The following PPEF1 variants were observed in gnomAD, a reference collection of about 807,000 sequenced individuals.
PPEF1 encodes serine/threonine-protein phosphatase with EF-hands 1.
Under a neutral mutation model 53.3 loss-of-function variants are expected in PPEF1, and 12 were observed. That is an observed-to-expected ratio of 0.23 (90% CI 0.14 to 0.36). PPEF1 has a LOEUF of 0.36. PPEF1 is among the 10% of genes least tolerant of loss of function. PPEF1 has a pLI of 1.00. For synonymous variants in PPEF1, 165 were observed against 176.7 expected (o/e 0.93, Z 0.52); for missense variants, 334 against 490.4 (o/e 0.68, Z 3.01).
At position 18,766,089 on chromosome X, in the gene PPEF1, AAAG is replaced by A. The variant is rs368301177; in HGVS notation, c.558+4516_558+4518del. Among the ~76,000 whole-genome samples, 898 of 108,967 alleles carry A rather than the reference AAAG, an allele frequency of 8.2e-3. 17 individuals carry two copies. The highest frequency in any genetic ancestry group is 0.029 in the African/African-American group (858 of 29,777). 94.6% of individuals were successfully genotyped at this position (108,967 alleles called of 115,157 possible). A position where few individuals can be genotyped will look rare whatever the true frequency, so the allele number is the denominator to read the frequency against. On this transcript the variant is annotated intron_variant, in intron 6 of 15. Coordinates refer to ENST00000470157, the MANE Select transcript of PPEF1 (RefSeq NM_001377996.1). ...TCAAAAAAAAAAAAAAAAAAAGAAA[AAAG>A]AAAAAAGAAAAAAAGAAGCTGGAAA...
chrX:18,821,215 T>A (rs1291240648), intron 13 of PPEF1, among the ~76,000 whole-genome samples: 1 of 81,315 alleles, frequency 1.2e-5, no homozygotes, highest in African/African-American at 4.3e-5. Flanking sequence ...AGAGCGAGAC[T>A]CTGTCTCAAA....
intron 14 of PPEF1, among the ~76,000 whole-genome samples, chrX:18,824,315 C>T (rs774981520): frequency 9.0e-6 from 1 of 111,041 alleles, no homozygotes; most frequent in Admixed American, 9.6e-5. Flanking sequence ...TCGTGCCCAC[C>T]TGTAATCCCA....
intron 13 of PPEF1, among the ~76,000 whole-genome samples, chrX:18,820,810 A>AT (rs1285958785): frequency 8.9e-6 from 1 of 112,379 alleles, no homozygotes; most frequent in Non-Finnish European, 1.9e-5. Context: ...AGTGAATCTC[A>AT]ATAGGTTTTG....
intron 7 of PPEF1, among the ~76,000 whole-genome samples, chrX:18,780,609 G>A (rs953086788): frequency 4.5e-5 from 5 of 111,751 alleles, no homozygotes; most frequent in African/African-American, 6.5e-5. Context: ...ATACACGCTC[G>A]TCAATTAGGA....
At chrX:18,696,273 C>T (rs1435863344) in intron 4 of PPEF1, among the ~76,000 whole-genome samples, 2 of 109,812 alleles carry the variant, frequency 1.8e-5, no homozygotes, top group Non-Finnish European at 3.8e-5. Flanking sequence ...CTGCCTCAGC[C>T]TCCCAAGTAG....
intron 1 of PPEF1, among the ~76,000 whole-genome samples, chrX:18,710,479 G>GA (rs1286818518): frequency 1.8e-5 from 2 of 109,852 alleles, no homozygotes; most frequent in Non-Finnish European, 1.9e-5. Flanking sequence ...AACTCAACAA[G>GA]AAAAAAAAGA....
At chrX:18,784,534 T>G (rs927646319) in intron 9 of PPEF1, among the ~76,000 whole-genome samples, 6 of 109,456 alleles carry the variant, frequency 5.5e-5, no homozygotes, top group African/African-American at 2.0e-4. Context: ...CTGGACCCAT[T>G]AAACACTAAC....
At chrX:18,704,146 G>A (rs1431042221), upstream of PPEF1, among the ~76,000 whole-genome samples, 4 of 109,441 alleles carry the variant, frequency 3.7e-5, no homozygotes, top group East Asian at 2.9e-4. Context: ...GGCTGGTCTC[G>A]AACTCCTGGG....
chrX:18,821,493 C>T (rs1001797024), intron 13 of PPEF1, among the ~76,000 whole-genome samples: 6 of 110,886 alleles, frequency 5.4e-5, no homozygotes, highest in South Asian at 3.8e-4. Context: ...TTGCAACCTC[C>T]GCCTACCAGG....
At chrX:18,765,587 A>C (rs1365170726) in intron 6 of PPEF1, among the ~76,000 whole-genome samples, 1 of 111,142 alleles carries the variant, frequency 9.0e-6, no homozygotes, top group African/African-American at 3.3e-5. Flanking sequence ...TTGAATGTAC[A>C]TGGTAAAATT....
chrX:18,714,805 T>A (rs992915723), intron 1 of PPEF1, among the ~76,000 whole-genome samples: 15 of 112,214 alleles, frequency 1.3e-4, no homozygotes, highest in African/African-American at 4.8e-4. Flanking sequence ...CACAGCCTTT[T>A]GAAGGGTTGT....
At chrX:18,731,005 G>A (rs1453942967) in intron 2 of PPEF1, among the ~76,000 whole-genome samples, 1 of 111,700 alleles carries the variant, frequency 9.0e-6, no homozygotes, top group African/African-American at 3.3e-5. Context: ...GTGAGCCACC[G>A]CACCTGGCCA....
chrX:18,795,902 G>T (rs183507480), intron 10 of PPEF1, among the ~76,000 whole-genome samples: 274 of 112,183 alleles, frequency 2.4e-3, no homozygotes, highest in African/African-American at 8.7e-3. Context: ...GTCATACCAT[G>T]TCTCTCACTG....
At chrX:18,678,825 C>T (rs1365045224), upstream of PPEF1, among the ~76,000 whole-genome samples, 2 of 110,500 alleles carry the variant, frequency 1.8e-5, no homozygotes, top group Non-Finnish European at 3.8e-5. Context: ...TTAAACACAG[C>T]CGTACCTCAG....
At chrX:18,753,339 A>T (rs943266775) in intron 4 of PPEF1, among the ~76,000 whole-genome samples, 3 of 111,516 alleles carry the variant, frequency 2.7e-5, no homozygotes, top group East Asian at 2.8e-4. Flanking sequence ...GGTTGATGGT[A>T]ATGTCCCCAC....
chrX:18,822,004 G>A (rs185739045), intron 13 of PPEF1, among the ~76,000 whole-genome samples: 1 of 111,205 alleles, frequency 9.0e-6, no homozygotes, highest in Admixed American at 9.6e-5. Context: ...TTGGGTCTCC[G>A]GCTGGTGGGC....
At chrX:18,729,435 T>C (rs1336509586) in intron 1 of PPEF1, among the ~76,000 whole-genome samples, 1 of 112,598 alleles carries the variant, frequency 8.9e-6, no homozygotes, top group African/African-American at 3.2e-5. Context: ...TATGTTCTTA[T>C]GAAATGTGGT....
intron 4 of PPEF1, among the ~76,000 whole-genome samples, chrX:18,752,348 G>A (rs2045461142): frequency 9.0e-6 from 1 of 110,755 alleles, no homozygotes; most frequent in Admixed American, 9.7e-5. Flanking sequence ...GAATATACTT[G>A]TTAGCTCTAG....
At chrX:18,725,832 G>T (rs928690714) in intron 1 of PPEF1, among the ~76,000 whole-genome samples, 3 of 111,041 alleles carry the variant, frequency 2.7e-5, no homozygotes, top group Admixed American at 9.6e-5. Flanking sequence ...GGGGACCATA[G>T]GTGTTTATAA....
Sources: allele counts gnomAD v4.1 joint callset (sites outside exome capture counted in the v4.1 genomes callset), GRCh38; gene constraint gnomAD v4.1.1; transcripts MANE v1.5; gene names NCBI Gene and HGNC (gene_info 2026-07-23, HGNC 2026-07-21).